Variants in ACOXL observed in about 807,000 individuals in gnomAD.
The protein encoded by ACOXL is acyl-CoA oxidase like.
In ACOXL, 70 loss-of-function variants were observed where a neutral mutation model predicts 71.9. That is an observed-to-expected ratio of 0.97 (90% CI 0.80 to 1.19). The LOEUF (loss-of-function observed/expected upper bound fraction) is 1.19, where lower values mean the gene tolerates loss of function less well. Among genes scored for constraint, ACOXL ranks in the 50% most tolerant of loss-of-function variants. The pLI, the probability that ACOXL is intolerant of heterozygous loss-of-function variation, is 0.00. For synonymous variants in ACOXL, 253 were observed against 281.6 expected (o/e 0.90, Z 1.02); for missense variants, 703 against 736.3 (o/e 0.95, Z 0.52).
At position 111,001,907 on chromosome 2, in the gene ACOXL, G is replaced by T. The variant is rs112959614; in HGVS notation, c.1281+5903G>T. Among the ~76,000 whole-genome samples the T allele has an allele frequency of 2.6e-5, 4 of 152,280 alleles. No individual in the cohort carries two copies. The East Asian group carries it at 7.7e-4, about 29-fold the overall frequency. On this transcript the variant is annotated intron_variant, in intron 14 of 17. Coordinates refer to ENST00000439055, the MANE Select transcript of ACOXL (RefSeq NM_001142807.4). Reference sequence around the variant, plus strand: ...GAATCATTAAGGATGATTAGGATGGGCTATGATGGCCAAGCTCCAAGACAG... The same window carrying T: ...GAATCATTAAGGATGATTAGGATGGTCTATGATGGCCAAGCTCCAAGACAG...
chr2:111,084,842 A>G (rs995626004), intron 16 of ACOXL, among the ~76,000 whole-genome samples: 3 of 151,092 alleles, frequency 2.0e-5, no homozygotes, highest in Non-Finnish European at 4.4e-5. Flanking sequence ...ATGCAATGAC[A>G]CCCATAGGCT....
At chr2:111,029,834 T>A (rs1049203150) in intron 14 of ACOXL, among the ~76,000 whole-genome samples, 3 of 152,190 alleles carry the variant, frequency 2.0e-5, no homozygotes, top group Non-Finnish European at 4.4e-5. Context: ...AAGGGGCCTT[T>A]CCTCTTCACT....
At chr2:110,993,605 T>C (rs1441006023) in intron 13 of ACOXL, among the ~76,000 whole-genome samples, 1 of 152,230 alleles carries the variant, frequency 6.6e-6, no homozygotes, top group African/African-American at 2.4e-5. Flanking sequence ...TTGTATAACC[T>C]TTTTTGTGAG....
chr2:110,980,327 C>T (rs899713236), intron 12 of ACOXL, among the ~76,000 whole-genome samples: 3 of 152,238 alleles, frequency 2.0e-5, no homozygotes, highest in South Asian at 2.1e-4. Flanking sequence ...CCAGGGCTCA[C>T]GCCCCTACTG....
At chr2:110,799,287 T>G (rs1685664036) in intron 7 of ACOXL, among the ~76,000 whole-genome samples, 187 bp downstream of exon 7, 1 of 152,246 alleles carries the variant, frequency 6.6e-6, no homozygotes, top group African/African-American at 2.4e-5. Flanking sequence ...ATGTCGTAGA[T>G]TGCCTTTTAT....
intron 1 of ACOXL, among the ~76,000 whole-genome samples, chr2:110,737,741 CA>C (rs1276711334): frequency 6.6e-6 from 1 of 152,216 alleles, no homozygotes; most frequent in Non-Finnish European, 1.5e-5. Flanking sequence ...TGGACACATT[CA>C]TTCTGGAGGC....
At chr2:110,995,033 TATATA>T (rs1350044106) in intron 13 of ACOXL, among the ~76,000 whole-genome samples, 8 of 151,426 alleles carry the variant, frequency 5.3e-5, no homozygotes, top group African/African-American at 1.7e-4. Flanking sequence ...CAATTCCTGA[TATATA>T]ATATATTTAA....
At chr2:111,053,287 C>A (rs1430028183) in intron 16 of ACOXL, among the ~76,000 whole-genome samples, 1 of 152,234 alleles carries the variant, frequency 6.6e-6, no homozygotes, top group East Asian at 1.9e-4. Flanking sequence ...CCACGTCCTA[C>A]ATGTCACTCT....
At chr2:110,844,986 A>G (rs1444105279) in intron 10 of ACOXL, among the ~76,000 whole-genome samples, 1 of 152,210 alleles carries the variant, frequency 6.6e-6, no homozygotes, top group Non-Finnish European at 1.5e-5. Context: ...GATTGGCTGA[A>G]ACTTCTATCC....
At chr2:110,882,681 C>T (rs866768244) in intron 10 of ACOXL, among the ~76,000 whole-genome samples, 2 of 152,088 alleles carry the variant, frequency 1.3e-5, no homozygotes, top group Non-Finnish European at 2.9e-5. Flanking sequence ...TCAAAATTCA[C>T]TTTGTTGCAT....
chr2:110,999,579 CTGT>C (rs972889908), intron 14 of ACOXL, among the ~76,000 whole-genome samples: 7 of 152,256 alleles, frequency 4.6e-5, no homozygotes, highest in African/African-American at 1.7e-4. Flanking sequence ...CTTCTCCATG[CTGT>C]ACCAGAGTTG....
At chr2:110,785,626 G>A (rs547315341) in intron 3 of ACOXL, among the ~76,000 whole-genome samples, 12 of 152,126 alleles carry the variant, frequency 7.9e-5, no homozygotes, top group Non-Finnish European at 1.5e-4. Context: ...ATTTTTGACT[G>A]CTGTATAATA....
chr2:110,741,963 CA>C (rs1677603907), intron 1 of ACOXL, among the ~76,000 whole-genome samples: 1 of 152,212 alleles, frequency 6.6e-6, no homozygotes, highest in Non-Finnish European at 1.5e-5. Context: ...GCGAGTCTCA[CA>C]AACCTGCAAG....
In ACOXL at chr2:110,914,082, T is replaced by C. The variant is rs539108632; in HGVS notation, c.905+5177T>C. ...ATATTCTAAAATTAGATGGCAATGGTTGCACAACTCCTTAAATATACTAGA... is the reference window on the plus strand; with the variant it reads ...ATATTCTAAAATTAGATGGCAATGGCTGCACAACTCCTTAAATATACTAGA... On this transcript the variant is annotated intron_variant, in intron 11 of 17. Coordinates refer to ENST00000439055, the MANE Select transcript of ACOXL (RefSeq NM_001142807.4). 2.0e-5 allele frequency among the ~76,000 whole-genome samples: 3 copies of C among 152,314 alleles called. No individual in the cohort carries two copies. In the East Asian group the frequency reaches 5.8e-4, roughly 29 times the overall value.
chr2:110,849,719 C>G (rs1320320378), intron 10 of ACOXL, among the ~76,000 whole-genome samples: 1 of 152,082 alleles, frequency 6.6e-6, no homozygotes, highest in East Asian at 1.9e-4. Flanking sequence ...GATTGCACTA[C>G]TGCACTCCAG....
intron 11 of ACOXL, among the ~76,000 whole-genome samples, chr2:110,930,824 T>G (rs2060453665): frequency 6.6e-6 from 1 of 152,238 alleles, no homozygotes; most frequent in Non-Finnish European, 1.5e-5. Context: ...TCATGCAAAA[T>G]GTGCCTTTTG....
intron 2 of ACOXL, among the ~76,000 whole-genome samples, chr2:110,780,258 A>T (rs1683163131): frequency 6.6e-6 from 1 of 152,232 alleles, no homozygotes; most frequent in Non-Finnish European, 1.5e-5. Context: ...TAGTGATATA[A>T]CATTACACTC....
At chr2:110,819,214 G>A (rs1289022707) in intron 9 of ACOXL, among the ~76,000 whole-genome samples, 1 of 152,218 alleles carries the variant, frequency 6.6e-6, no homozygotes, top group Admixed American at 6.5e-5. Context: ...TGGGAAGGTG[G>A]TTTGGACCAG....
intron 12 of ACOXL, among the ~76,000 whole-genome samples, chr2:110,982,990 AC>A (rs1323077588): frequency 6.6e-6 from 1 of 152,202 alleles, no homozygotes; most frequent in African/African-American, 2.4e-5. Flanking sequence ...TAGCCAGTCT[AC>A]CTAGGGCTCC....
Sources: gnomAD v4.1 joint callset for allele counts (sites outside exome capture counted in the v4.1 genomes callset) on GRCh38, gnomAD v4.1.1 for gene constraint, MANE v1.5 for transcripts, NCBI Gene and HGNC (gene_info 2026-07-23, HGNC 2026-07-21) for gene names.